Variants in TMTC2 observed in about 807,000 individuals in gnomAD.
TMTC2 encodes the protein protein O-mannosyl-transferase TMTC2.
A neutral mutation model predicts 82.4 loss-of-function variants in TMTC2; 43 were observed. The ratio of observed to expected loss-of-function variants is 0.52; its 90% CI spans 0.41 to 0.67. The LOEUF is 0.67. Among genes scored for constraint, TMTC2 ranks in the 30% least tolerant of loss-of-function variants. TMTC2 has a pLI of 0.00. For missense variants in TMTC2, 919 were observed against 1,012.4 expected, an observed-to-expected ratio of 0.91 and a Z score of 1.25; for synonymous variants, 408 against 381.9, an observed-to-expected ratio of 1.07 and a Z score of -0.80.
intron 2 of TMTC2, among the ~76,000 whole-genome samples, chr12:82,892,297 C>T (rs956076371): frequency 6.6e-6 from 1 of 152,070 alleles, no homozygotes; most frequent in Non-Finnish European, 1.5e-5. Context: ...GTTTTTATGT[C>T]ATTTTCATTT....
Position 82,985,968 on chromosome 12 carries a change from T to C in TMTC2, c.1992T>C (p.His664=), listed in dbSNP as rs770959768. The change falls in exon 8 of 12, where the codon CAT becomes CAC. Residue 664 remains histidine, a synonymous_variant. Coordinates refer to ENST00000321196, the MANE Select transcript of TMTC2 (RefSeq NM_152588.3). ...TAAGCAAACTCCCCGAAGCAGAGCA[T>C]TGGTATATGGAATCACTGAGATCCA... ...MRLSKLPEAE[H]WYMESLRSKT... 1.9e-6 allele frequency: 3 copies of C among 1,614,002 alleles called. No individual in the cohort carries two copies. The highest frequency in any genetic ancestry group is 2.2e-5 in the East Asian group (1 of 44,862).
chr12:83,004,927 G>A (rs1348818912), intron 8 of TMTC2, among the ~76,000 whole-genome samples: 1 of 150,808 alleles, frequency 6.6e-6, no homozygotes. Context: ...TGAGGAGGGC[G>A]GATCACTTGA....
intron 1 of TMTC2, among the ~76,000 whole-genome samples, chr12:82,816,325 G>C (rs1015057150): frequency 6.6e-6 from 1 of 152,102 alleles, no homozygotes; most frequent in Non-Finnish European, 1.5e-5. Flanking sequence ...AGCTTCACTT[G>C]TGAAAAATTC....
chr12:82,822,024 G>A (rs1222317999), intron 1 of TMTC2, among the ~76,000 whole-genome samples: 1 of 152,166 alleles, frequency 6.6e-6, no homozygotes, highest in African/African-American at 2.4e-5. Context: ...AGAAGACATG[G>A]AGGAACCTTA....
intron 3 of TMTC2, among the ~76,000 whole-genome samples, chr12:82,914,658 A>G (rs1174332721): frequency 6.6e-6 from 1 of 152,098 alleles, no homozygotes; most frequent in Non-Finnish European, 1.5e-5. Context: ...GATTTACTAT[A>G]AAAGTGTATA....
chr12:82,868,376 T>C (rs1208990572), intron 2 of TMTC2, among the ~76,000 whole-genome samples: 4 of 152,212 alleles, frequency 2.6e-5, no homozygotes, highest in African/African-American at 9.6e-5. Flanking sequence ...GGAAAAGCCT[T>C]TTTCAAGGTT....
chr12:82,795,070 T>C (rs1878650954), intron 1 of TMTC2, among the ~76,000 whole-genome samples: 1 of 151,998 alleles, frequency 6.6e-6, no homozygotes, highest in African/African-American at 2.4e-5. Context: ...TTTGGGAGGC[T>C]GAGGCAGGTG....
At chr12:82,744,596 G>T (rs867494815) in intron 1 of TMTC2, among the ~76,000 whole-genome samples, 3 of 37,048 alleles carry the variant, frequency 8.1e-5, no homozygotes, top group East Asian at 1.1e-3. Flanking sequence ...AAAAAAAAAA[G>T]AGTGAAGGCA....
At chr12:82,926,388 C>T (rs1160306178) in intron 3 of TMTC2, among the ~76,000 whole-genome samples, 1 of 152,128 alleles carries the variant, frequency 6.6e-6, no homozygotes, top group Non-Finnish European at 1.5e-5. Context: ...TCTATGAAGG[C>T]TGAGAGAAGT....
intron 7 of TMTC2, among the ~76,000 whole-genome samples, chr12:82,977,837 G>A (rs1050745784): frequency 1.8e-4 from 27 of 151,656 alleles, no homozygotes. Flanking sequence ...TGTTGGGAGG[G>A]GAATTTGAAT....
chr12:82,957,499 G>A (rs534424323), intron 4 of TMTC2, among the ~76,000 whole-genome samples: 18 of 152,058 alleles, frequency 1.2e-4, no homozygotes, highest in Non-Finnish European at 1.8e-4. Flanking sequence ...TAACTGCAAA[G>A]GCAGAAGAAG....
chr12:82,852,598 A>T lies in TMTC2; in HGVS notation c.84-4412A>T, dbSNP rs544920022. On this transcript the variant is annotated intron_variant, in intron 1 of 11. Coordinates refer to ENST00000321196, the MANE Select transcript of TMTC2 (RefSeq NM_152588.3). ...TTTCACGGAAGCAACCTCAAAAATT[A>T]TATCAGCATGAAATTTTGTTTTGAG... is the stretch of plus-strand genomic sequence containing the variant. Among the ~76,000 whole-genome samples the T allele has an allele frequency of 7.2e-5, 11 of 152,302 alleles. No individual in the cohort carries two copies. The East Asian group carries it at 2.1e-3, about 29-fold the overall frequency.
intron 4 of TMTC2, among the ~76,000 whole-genome samples, chr12:82,930,999 C>T (rs1357475422): frequency 6.6e-6 from 1 of 152,104 alleles, no homozygotes; most frequent in African/African-American, 2.4e-5. Context: ...GCCTCAAACT[C>T]CTGAGCTCAA....
chr12:82,744,043 C>A (rs896511232), intron 1 of TMTC2, among the ~76,000 whole-genome samples: 22 of 151,950 alleles, frequency 1.4e-4, no homozygotes, highest in Admixed American at 6.6e-5. Context: ...GGAGGCCAGG[C>A]GGGAGGATCG....
At chr12:83,072,587 T>C (rs184134791) in intron 11 of TMTC2, among the ~76,000 whole-genome samples, 1 of 152,352 alleles carries the variant, frequency 6.6e-6, no homozygotes, top group African/African-American at 2.4e-5. Flanking sequence ...ATCTGTCTAG[T>C]GCTGTCAGTG....
At chr12:82,995,413 T>A (rs1395669164) in intron 8 of TMTC2, among the ~76,000 whole-genome samples, 1 of 152,058 alleles carries the variant, frequency 6.6e-6, no homozygotes, top group Non-Finnish European at 1.5e-5. Context: ...TGCAGACTCA[T>A]AAATTGGTTC....
chr12:82,918,165 C>T (rs1178325280), intron 3 of TMTC2, among the ~76,000 whole-genome samples: 1 of 152,250 alleles, frequency 6.6e-6, no homozygotes, highest in South Asian at 2.1e-4. Context: ...CCAGCTTGGC[C>T]TCCCAAAGTA....
intron 1 of TMTC2, among the ~76,000 whole-genome samples, chr12:82,779,762 T>G (rs1287357710): frequency 6.6e-6 from 1 of 152,076 alleles, no homozygotes; most frequent in African/African-American, 2.4e-5. Context: ...TAGCCGGGTG[T>G]GGTGGCATGC....
chr12:82,784,643 G>T (rs184495863), intron 1 of TMTC2, among the ~76,000 whole-genome samples: 1 of 152,100 alleles, frequency 6.6e-6, no homozygotes, highest in African/African-American at 2.4e-5. Flanking sequence ...ATTTGTAGGC[G>T]AAGGGTAACT....
Sources: gnomAD v4.1 joint callset for allele counts (sites outside exome capture counted in the v4.1 genomes callset) on GRCh38, gnomAD v4.1.1 for gene constraint, MANE v1.5 for transcripts, NCBI Gene and HGNC (gene_info 2026-07-23, HGNC 2026-07-21) for gene names.